The following PHF19 variants were observed in gnomAD, a reference collection of about 807,000 sequenced individuals.
PHF19 encodes the protein PHD finger protein 19.
A neutral mutation model predicts 79.8 loss-of-function variants in PHF19; 21 were observed. The ratio of observed to expected loss-of-function variants is 0.26; its 90% CI spans 0.19 to 0.38. The LOEUF is 0.38. Ranked by LOEUF, PHF19 falls within the 10% of genes least tolerant of loss-of-function variation. The pLI, the probability that PHF19 is intolerant of heterozygous loss-of-function variation, is 1.00. For synonymous variants in PHF19, 273 were observed against 296.3 expected, an observed-to-expected ratio of 0.92 and a Z score of 0.81; for missense variants, 445 against 744.2, an observed-to-expected ratio of 0.60 and a Z score of 4.68.
intron 1 of PHF19, among the ~76,000 whole-genome samples, chr9:120,889,350 T>C (rs2046309219): frequency 1.4e-5 from 2 of 145,244 alleles, no homozygotes; most frequent in African/African-American, 5.2e-5. Flanking sequence ...CACTTGAACC[T>C]GGGAGGCGGA....
rs762430355 is a variant in PHF19 at position 120,857,898 on chromosome 9, T to C, written c.*46A>G. The C allele has an allele frequency of 2.7e-5, 32 of 1,183,328 alleles. No individual in the cohort carries two copies. Among genetic ancestry groups the C allele is most frequent in the Non-Finnish European group, 3.6e-5 (30 of 831,302 alleles). 73.3% of individuals were successfully genotyped at this position (1,183,328 alleles called of 1,614,324 possible). A position where few individuals can be genotyped will look rare whatever the true frequency, so the allele number is the denominator to read the frequency against. ...AAGCTGGGGAGCCTATGGCTTCTGC[T>C]GCTCCTCCTTTGGTTTTCAGGACCC... On this transcript the variant is annotated 3_prime_UTR_variant, in exon 15 of 15. Coordinates refer to ENST00000373896, the MANE Select transcript of PHF19 (RefSeq NM_015651.3).
Position 120,869,682 on chromosome 9 carries a change from G to A in PHF19, c.465+163C>T. The A allele has an allele frequency of 6.4e-7, 1 of 1,550,742 alleles. No individual in the cohort carries two copies. The highest frequency in any genetic ancestry group is 8.7e-7 in the Non-Finnish European group (1 of 1,146,128). ...ACAGTTGAGGAAACTGAGGCTCAGG[G>A]AGTCTACAAATCCTGGCCAAGGACA... On this transcript the variant is annotated intron_variant, in intron 5 of 14. Transcript: ENST00000373896. The surrounding 1 kb of genome is among the most constrained non-coding windows in gnomAD (Gnocchi z 5.8).
chr9:120,874,649 G>T lies in PHF19; in HGVS notation c.93C>A (p.Asn31Lys). The T allele has an allele frequency of 6.2e-7, 1 of 1,613,804 alleles. No homozygotes were observed. Among genetic ancestry groups the T allele is most frequent in the Non-Finnish European group, 8.5e-7 (1 of 1,179,652 alleles). Residue 31 changes from asparagine (N) to lysine (K), a missense_variant, in exon 2 of 15, where the codon AAC (asparagine) becomes AAA (lysine). By Grantham distance (94) the Asn-to-Lys change is moderately conservative (BLOSUM62 0). Transcript: ENST00000373896. This position sits in a 1 kb window ranked among gnomAD's most constrained non-coding sequence, Gnocchi z 4.5. ...PNKGALAKVK[N>K]NFKDLMSKLT... ...GTTTGGACATCAAGTCTTTGAAGTTGTTCTTGACCTTCGCCAGGGCCCCCT... is the reference window on the plus strand; with the variant it reads ...GTTTGGACATCAAGTCTTTGAAGTTTTTCTTGACCTTCGCCAGGGCCCCCT...
At chr9:120,859,531 G>A (rs1249717291) in intron 14 of PHF19, among the ~76,000 whole-genome samples, 1 of 152,196 alleles carries the variant, frequency 6.6e-6, no homozygotes, top group Non-Finnish European at 1.5e-5. Flanking sequence ...TACTGCTGAG[G>A]ACCAGCTGTT....
At chr9:120,865,892 A>G in intron 8 of PHF19, 62 bp from the exon 9 acceptor site, 1 of 1,611,794 alleles carries the variant, frequency 6.2e-7, no homozygotes, top group South Asian at 1.1e-5. Flanking sequence ...CCAGGGTCAC[A>G]GCTTTCTGGG....
At position 120,862,578 on chromosome 9, in the gene PHF19, G is replaced by A. The variant is rs1037678670; in HGVS notation, c.1130+10C>T. The A allele has an allele frequency of 8.7e-6, 14 of 1,611,258 alleles. No homozygotes were observed. Among genetic ancestry groups the A allele is most frequent in the African/African-American group, 1.3e-5 (1 of 74,852 alleles). ...CGGCAGCCCTGGCCCCTGGGTCCCC[G>A]AGCACTGACCCAGGCTTGCTCTTTC... On this transcript the variant is annotated intron_variant, in intron 11 of 14. Coordinates refer to ENST00000373896, the MANE Select transcript of PHF19 (RefSeq NM_015651.3). The surrounding 1 kb of genome is among the most constrained non-coding windows in gnomAD (Gnocchi z 4.6).
At chr9:120,889,357 C>T (rs889354125) in intron 1 of PHF19, among the ~76,000 whole-genome samples, 7 of 141,564 alleles carry the variant, frequency 4.9e-5, no homozygotes, top group Middle Eastern at 7.9e-3. Flanking sequence ...ACCTGGGAGG[C>T]GGAGGTTGCA....
At chr9:120,894,625 CGG>C (rs1315536671) in intron 1 of PHF19, among the ~76,000 whole-genome samples, 3 of 151,744 alleles carry the variant, frequency 2.0e-5, no homozygotes, top group African/African-American at 4.8e-5. Context: ...AGGCCGGGCG[CGG>C]GCCAGGAGCC....
Position 120,891,275 on chromosome 9 carries a change from C to T in PHF19, c.42+3513G>A, listed in dbSNP as rs959328577. On this transcript the variant is annotated intron_variant, in intron 1 of 14. Coordinates refer to the PHF19 transcript ENST00000616568. The surrounding 1 kb of genome is among the most constrained non-coding windows in gnomAD (Gnocchi z 4.3). ...TCTCCCCTCCTCTCCCCTCCTTTCC[C>T]CTTCTTCTCCTCTCCTTCCCTCCCC... 6.6e-6 allele frequency among the ~76,000 whole-genome samples: 1 copy of T among 152,016 alleles called. No individual in the cohort carries two copies. Among genetic ancestry groups the T allele is most frequent in the African/African-American group, 2.4e-5 (1 of 41,380 alleles).
In PHF19 at chr9:120,861,901, G is replaced by A. The variant is rs755697995; in HGVS notation, c.1218+17C>T. 2 of 1,561,348 alleles carry A rather than the reference G, an allele frequency of 1.3e-6. No individual in the cohort carries two copies. The highest frequency in any genetic ancestry group is 1.1e-5 in the South Asian group (1 of 90,058). On this transcript the variant is annotated intron_variant, in intron 12 of 14. Transcript: ENST00000373896. ...CCCTGCGTATGAAAATGGAGAGTAAGAAAACAAGGAACTAACACTGGGAAT... is the reference window on the plus strand; with the variant it reads ...CCCTGCGTATGAAAATGGAGAGTAAAAAAACAAGGAACTAACACTGGGAAT...
At chr9:120,900,969 G>C in the PHF19 span, among the ~76,000 whole-genome samples, 1 of 152,236 alleles carries the variant, frequency 6.6e-6, no homozygotes, top group African/African-American at 2.4e-5. Flanking sequence ...AGGATTGCCT[G>C]TGGACACCCG....
Position 120,866,087 on chromosome 9 carries a change from C to T in PHF19, c.720G>A (p.Leu240=). ...CCTGGTTACACACGGAGCAGAAGAA[C>T]AGGTAAAACCTGTGGGTGGGTAGAG... ...EPMMFGDRFY[L]FFCSVCNQGP... Residue 240 remains leucine (L), a synonymous_variant, in exon 8 of 15, where the codon CTG becomes CTA. Coordinates refer to ENST00000373896, the MANE Select transcript of PHF19 (RefSeq NM_015651.3). The surrounding 1 kb of genome is among the most constrained non-coding windows in gnomAD (Gnocchi z 5.2). 1 of 1,613,802 alleles carries T rather than the reference C, an allele frequency of 6.2e-7. No homozygotes were observed. The highest frequency in any genetic ancestry group is 1.3e-5 in the African/African-American group (1 of 75,000).
the PHF19 span, chr9:120,903,009 G>C: frequency 6.6e-6 from 1 of 152,188 alleles, no homozygotes; most frequent in Admixed American, 6.5e-5. Flanking sequence ...TCTCATGGGG[G>C]CTTGTTCTAC....
At chr9:120,877,490 C>T (rs1361297532), upstream of PHF19, among the ~76,000 whole-genome samples, 3 of 150,840 alleles carry the variant, frequency 2.0e-5, no homozygotes, top group Non-Finnish European at 4.4e-5. Context: ...CTAGCCAGGA[C>T]CCGGGCCCCC....
rs1358206029 is a variant in PHF19 at position 120,870,505 on chromosome 9, A to T, written c.302T>A (p.Ile101Asn). 2 of 1,613,214 alleles carry T rather than the reference A, an allele frequency of 1.2e-6. No homozygotes were observed. The highest frequency in any genetic ancestry group is 8.5e-7 in the Non-Finnish European group (1 of 1,179,150). Residue 101 changes from isoleucine (I) to asparagine (N), a missense_variant, in exon 4 of 15, where the codon ATC (isoleucine) becomes AAC (asparagine). Physicochemically the swap from Ile to Asn is moderately radical, Grantham distance 149 (BLOSUM62 -3). Transcript: ENST00000373896. This position sits in a 1 kb window ranked among gnomAD's most constrained non-coding sequence, Gnocchi z 4.4. ...CGGCCCTGATGTCTTCCCTAGGCAG[A>T]TGTTGCACTTGGGCTCCTCTCCTGG... The part of the protein sequence containing the change: ...GVPGEEPKCN[I>N]CLGKTSGPLN...
rs572483155 is a variant in PHF19, at chr9:120,862,997, C to A, written c.969-248G>T. 4.1e-6 allele frequency: 2 copies of A among 483,722 alleles called. No individual in the cohort carries two copies. Among genetic ancestry groups the A allele is most frequent in the South Asian group, 4.8e-5 (2 of 41,320 alleles). The allele number at this position is 483,722 out of a possible 1,614,324, so 30.0% of individuals were successfully genotyped here. A position where few individuals can be genotyped will look rare whatever the true frequency, so the allele number is the denominator to read the frequency against. The stretch of plus-strand genomic sequence containing the variant: ...AGTGTGGTTCTTGCTGCTCTTCTCC[C>A]TTTTGTTTGCCTCAACCAGCCCCAA... On this transcript the variant is annotated intron_variant, in intron 10 of 14. Coordinates refer to ENST00000373896, the MANE Select transcript of PHF19 (RefSeq NM_015651.3). This position sits in a 1 kb window ranked among gnomAD's most constrained non-coding sequence, Gnocchi z 4.6.
chr9:120,892,945 T>C (rs1328669321), intron 1 of PHF19, among the ~76,000 whole-genome samples: 1 of 152,166 alleles, frequency 6.6e-6, no homozygotes, highest in Non-Finnish European at 1.5e-5. Flanking sequence ...AGTTTAGAGA[T>C]GGAAAGACAA....
chr9:120,896,592 C>G (rs888872870), upstream of PHF19, among the ~76,000 whole-genome samples: 1 of 151,822 alleles, frequency 6.6e-6, no homozygotes, highest in Non-Finnish European at 1.5e-5. Context: ...GCTGGGACTA[C>G]AGGCACGCGC....
chr9:120,868,824 T>C, intron 6 of PHF19: 1 of 1,032,932 alleles, frequency 9.7e-7, no homozygotes, highest in Admixed American at 5.8e-5. Context: ...GGGGCCCTGC[T>C]TGGGCGGTCG....
Sources: allele counts gnomAD v4.1 joint callset (sites outside exome capture counted in the v4.1 genomes callset), GRCh38; gene constraint gnomAD v4.1.1; non-coding constraint Gnocchi (gnomAD v3.1); transcripts MANE v1.5; gene names NCBI Gene and HGNC (gene_info 2026-07-23, HGNC 2026-07-21).